The following OSBPL10 variants were observed in gnomAD, a reference collection of about 807,000 sequenced individuals.
The protein encoded by OSBPL10 is oxysterol-binding protein-related protein 10.
Under a neutral mutation model 81.7 loss-of-function variants are expected in OSBPL10, and 49 were observed. The observed-to-expected ratio is 0.60, with a 90% CI of 0.48 to 0.76. The LOEUF (loss-of-function observed/expected upper bound fraction) is 0.76. OSBPL10 is among the 30% of genes least tolerant of loss of function. OSBPL10 has a pLI of 0.00. For missense variants in OSBPL10, 923 were observed against 987.8 expected (o/e 0.93, Z 0.88); for synonymous variants, 419 against 383.6 (o/e 1.09, Z -1.08).
intron 4 of OSBPL10, among the ~76,000 whole-genome samples, chr3:31,770,267 G>A (rs944278772): frequency 2.6e-5 from 4 of 152,134 alleles, no homozygotes; most frequent in Admixed American, 6.6e-5. Context: ...GTTGGGGGAC[G>A]GGGGTTATAC....
chr3:31,720,632 C>T (rs1280406719), intron 6 of OSBPL10, among the ~76,000 whole-genome samples: 1 of 151,998 alleles, frequency 6.6e-6, no homozygotes, highest in African/African-American at 2.4e-5. Context: ...GGCGTGGTGG[C>T]TCATGCCTGT....
intron 9 of OSBPL10, among the ~76,000 whole-genome samples, chr3:31,669,979 A>G (rs1452247349): frequency 6.6e-6 from 1 of 152,182 alleles, no homozygotes; most frequent in African/African-American, 2.4e-5. Context: ...TAACAACTGG[A>G]TCTCTAAAAG....
chr3:31,876,530 G>T lies in OSBPL10; in HGVS notation c.458-18C>A. 1 of 1,595,098 alleles carries T rather than the reference G, an allele frequency of 6.3e-7. No individual in the cohort carries two copies. Among genetic ancestry groups the T allele is most frequent in the South Asian group, 1.1e-5 (1 of 90,644 alleles). ...ATCAGCAGCTAAAATAGAGAAAACAGAGAAAGAAATGATTGCAGAGATTGT... is the reference window on the plus strand; with the variant it reads ...ATCAGCAGCTAAAATAGAGAAAACATAGAAAGAAATGATTGCAGAGATTGT... On this transcript the variant is annotated intron_variant, in intron 2 of 11. Coordinates refer to ENST00000396556, the MANE Select transcript of OSBPL10 (RefSeq NM_017784.5).
chr3:31,965,762 A>ATAGAT lies in OSBPL10; in HGVS notation c.281+15136_281+15137insATCTA, dbSNP rs1559535283. ...TATTTATATAATATATATTATATTA[A>ATAGAT]AAGATAATATATATTATATAAATAG... On this transcript the variant is annotated intron_variant, in intron 1 of 11. Coordinates refer to ENST00000396556, the MANE Select transcript of OSBPL10 (RefSeq NM_017784.5). 4.1e-4 allele frequency among the ~76,000 whole-genome samples: 25 copies of ATAGAT among 61,146 alleles called. 2 individuals carry two copies. Among genetic ancestry groups the ATAGAT allele is most frequent in the Non-Finnish European group, 5.7e-4 (21 of 36,590 alleles). The allele number at this position is 61,146 out of a possible 152,430, so 40.1% of individuals were successfully genotyped here.
At chr3:31,999,600 A>T (rs1043596091) in intron 2 of OSBPL10, among the ~76,000 whole-genome samples, 1 of 152,008 alleles carries the variant, frequency 6.6e-6, no homozygotes. Flanking sequence ...ACCTCAGGTG[A>T]TCTGCCTGCC....
At chr3:31,965,569 T>A (rs1220692562) in intron 1 of OSBPL10, among the ~76,000 whole-genome samples, 11 of 77,442 alleles carry the variant, frequency 1.4e-4, no homozygotes, top group East Asian at 4.5e-4. Context: ...AAATTATATA[T>A]TATATAATAT....
At chr3:32,057,270 C>T (rs999654166) in intron 1 of OSBPL10, among the ~76,000 whole-genome samples, 1 of 152,194 alleles carries the variant, frequency 6.6e-6, no homozygotes, top group Non-Finnish European at 1.5e-5. Context: ...CTTGATTTCA[C>T]TTTATAGACT....
At chr3:31,848,516 C>T (rs769257249) in intron 3 of OSBPL10, among the ~76,000 whole-genome samples, 18 of 152,166 alleles carry the variant, frequency 1.2e-4, no homozygotes, top group Non-Finnish European at 2.4e-4. Flanking sequence ...CTCTCAAATG[C>T]CCTATTGCAT....
intron 4 of OSBPL10, among the ~76,000 whole-genome samples, chr3:31,775,358 G>C (rs908783334): frequency 6.6e-6 from 1 of 152,080 alleles, no homozygotes; most frequent in Non-Finnish European, 1.5e-5. Flanking sequence ...TGCAGAGAAG[G>C]GTTTCCAGGG....
At chr3:31,993,108 C>T (rs1699051256) in intron 2 of OSBPL10, among the ~76,000 whole-genome samples, 1 of 152,016 alleles carries the variant, frequency 6.6e-6, no homozygotes, top group Non-Finnish European at 1.5e-5. Flanking sequence ...TGTGTTTGAC[C>T]AAGGACTTGT....
chr3:31,740,200 T>C (rs1478532348), intron 5 of OSBPL10, among the ~76,000 whole-genome samples: 1 of 152,064 alleles, frequency 6.6e-6, no homozygotes, highest in Non-Finnish European at 1.5e-5. Context: ...CCCACCACCA[T>C]GCCCAGCTAA....
intron 6 of OSBPL10, among the ~76,000 whole-genome samples, chr3:31,731,493 T>C (rs948024583): frequency 1.2e-4 from 19 of 152,034 alleles, no homozygotes; most frequent in South Asian, 4.1e-4. Context: ...TCTTTCTTTT[T>C]TTTTTTTTTT....
intron 2 of OSBPL10, among the ~76,000 whole-genome samples, chr3:31,993,681 T>TACACAC (rs139678560): frequency 0.11 from 15,567 of 147,238 alleles, 1,100 homozygotes; most frequent in African/African-American, 0.21. Flanking sequence ...TACACACACA[T>TACACAC]ACACACACAC....
chr3:31,738,531 T>C (rs185890039), intron 5 of OSBPL10, among the ~76,000 whole-genome samples: 32 of 152,230 alleles, frequency 2.1e-4, no homozygotes, highest in African/African-American at 7.0e-4. Flanking sequence ...CCAGCCAAAA[T>C]GTCTTTCCCC....
chr3:31,681,327 G>C (rs1347893559), intron 8 of OSBPL10, among the ~76,000 whole-genome samples: 1 of 152,196 alleles, frequency 6.6e-6, no homozygotes, highest in Non-Finnish European at 1.5e-5. Context: ...TATGCAAGAG[G>C]GGGAGCAGCG....
Position 31,661,201 on chromosome 3 carries a change from C to G in OSBPL10, c.*871G>C, listed in dbSNP as rs940454366. On this transcript the variant is annotated 3_prime_UTR_variant, in exon 12 of 12. Coordinates refer to ENST00000396556, the MANE Select transcript of OSBPL10 (RefSeq NM_017784.5). ...AATAATCCACAGGAAATTCTCTTCTCTTTCCCCAAACTAAATACAAGATTG... is the reference window on the plus strand; with the variant it reads ...AATAATCCACAGGAAATTCTCTTCTGTTTCCCCAAACTAAATACAAGATTG... The G allele has an allele frequency of 6.6e-6, 1 of 152,622 alleles. No homozygotes were observed. The highest frequency in any genetic ancestry group is 1.5e-5 in the Non-Finnish European group (1 of 68,046). 9.5% of individuals were successfully genotyped at this position (152,622 alleles called of 1,614,324 possible).
intron 5 of OSBPL10, among the ~76,000 whole-genome samples, chr3:31,747,505 AAAAAAC>A: frequency 6.6e-6 from 1 of 151,482 alleles, no homozygotes; most frequent in South Asian, 2.1e-4. Flanking sequence ...AAAAAAAAAA[AAAAAAC>A]ACAGAATGCT....
rs1482807661 is a variant in OSBPL10 at position 31,900,409 on chromosome 3, CA to C, written c.282-20580del. On this transcript the variant is annotated intron_variant, in intron 1 of 11. Coordinates refer to ENST00000396556, the MANE Select transcript of OSBPL10 (RefSeq NM_017784.5). Reference sequence around the variant, plus strand: ...GCAGCCCTGTTCCTGATAAAAGCTCCAACCCTTGGTCCCTTGGCTGTGCCCA... The same window carrying C: ...GCAGCCCTGTTCCTGATAAAAGCTCCACCCTTGGTCCCTTGGCTGTGCCCA... Among the ~76,000 whole-genome samples the C allele has an allele frequency of 1.6e-4, 24 of 152,214 alleles. 1 individual carries two copies. The highest frequency in any genetic ancestry group is 4.8e-4 in the African/African-American group (20 of 41,520).
intron 4 of OSBPL10, among the ~76,000 whole-genome samples, chr3:31,783,843 TATATATATATATATATGA>T (rs1307900158): frequency 9.6e-6 from 1 of 103,910 alleles, no homozygotes; most frequent in Non-Finnish European, 1.9e-5. Flanking sequence ...TATATATATA[TATATATATATATATATGA>T]ATGAATAAAT....
Sources: allele counts gnomAD v4.1 joint callset (sites outside exome capture counted in the v4.1 genomes callset), GRCh38; gene constraint gnomAD v4.1.1; transcripts MANE v1.5; gene names NCBI Gene and HGNC (gene_info 2026-07-23, HGNC 2026-07-21).